The following MARCHF1 variants were observed in gnomAD, a reference collection of about 807,000 sequenced individuals.
The protein encoded by MARCHF1 is E3 ubiquitin-protein ligase MARCHF1.
In MARCHF1, 40 loss-of-function variants were observed where a neutral mutation model predicts 54.2. That is an observed-to-expected ratio of 0.74 (90% CI 0.57 to 0.96). The LOEUF (loss-of-function observed/expected upper bound fraction) is 0.96. MARCHF1 is among the 40% of genes least tolerant of loss of function. The pLI is 0.00. For synonymous variants in MARCHF1, 236 were observed against 236.3 expected, an observed-to-expected ratio of 1.00 and a Z score of 0.01; for missense variants, 586 against 656.5, an observed-to-expected ratio of 0.89 and a Z score of 1.17.
intron 3 of MARCHF1, among the ~76,000 whole-genome samples, chr4:163,899,022 C>G (rs1318410637): frequency 3.3e-5 from 5 of 152,070 alleles, no homozygotes; most frequent in Non-Finnish European, 7.4e-5. Flanking sequence ...ATAATAGACA[C>G]TAGGAACTCC....
intron 1 of MARCHF1, among the ~76,000 whole-genome samples, chr4:164,369,394 G>A (rs1034445552): frequency 6.6e-6 from 1 of 152,156 alleles, no homozygotes; most frequent in Non-Finnish European, 1.5e-5. Context: ...GAGCATCAAA[G>A]TGAACACATG....
chr4:164,188,794 A>T, intron 1 of MARCHF1: 1 of 869,010 alleles, frequency 1.2e-6, no homozygotes, highest in Non-Finnish European at 2.0e-6. Flanking sequence ...AAACAAAGAC[A>T]TTTGCTCCTG....
At chr4:163,673,626 A>G (rs1743808064) in intron 5 of MARCHF1, among the ~76,000 whole-genome samples, 1 of 152,174 alleles carries the variant, frequency 6.6e-6, no homozygotes, top group Non-Finnish European at 1.5e-5. Context: ...ACATCTAAAT[A>G]AAGAAGAAAT....
At chr4:163,805,762 C>T (rs1219615255) in intron 4 of MARCHF1, among the ~76,000 whole-genome samples, 9 of 152,066 alleles carry the variant, frequency 5.9e-5, no homozygotes, top group South Asian at 2.1e-4. Flanking sequence ...TGCTCTGACA[C>T]GATAAAATAA....
At chr4:164,281,569 T>C (rs978852228) in intron 1 of MARCHF1, among the ~76,000 whole-genome samples, 1 of 152,088 alleles carries the variant, frequency 6.6e-6, no homozygotes, top group Admixed American at 6.5e-5. Flanking sequence ...GAGAAAAACA[T>C]GTGTACAGAC....
chr4:163,773,635 T>C (rs1747221000), intron 4 of MARCHF1, among the ~76,000 whole-genome samples: 1 of 152,142 alleles, frequency 6.6e-6, no homozygotes, highest in Admixed American at 6.5e-5. Context: ...AGATAAGAGA[T>C]TGTGAAGTGT....
chr4:163,878,238 A>T (rs1298455934), intron 3 of MARCHF1, among the ~76,000 whole-genome samples: 1 of 152,200 alleles, frequency 6.6e-6, no homozygotes, highest in Non-Finnish European at 1.5e-5. Context: ...CGCAGCCAAA[A>T]AGGGTAGGTA....
intron 5 of MARCHF1, among the ~76,000 whole-genome samples, chr4:163,700,321 A>G (rs2111228587): frequency 6.6e-6 from 1 of 152,206 alleles, no homozygotes; most frequent in Non-Finnish European, 1.5e-5. Flanking sequence ...CCTGGTCAAC[A>G]TGGCGAAACC....
chr4:163,982,650 A>T (rs919190950), intron 3 of MARCHF1, among the ~76,000 whole-genome samples: 1 of 152,232 alleles, frequency 6.6e-6, no homozygotes, highest in Non-Finnish European at 1.5e-5. Context: ...GTTTTAAAGA[A>T]GGACTGATCC....
At chr4:164,220,727 G>A (rs1441358514) in intron 1 of MARCHF1, among the ~76,000 whole-genome samples, 1 of 144,536 alleles carries the variant, frequency 6.9e-6, no homozygotes, top group Non-Finnish European at 1.5e-5. Context: ...TATGATATAT[G>A]TATATATGTA....
chr4:164,004,355 C>T (rs1028651604), intron 2 of MARCHF1, among the ~76,000 whole-genome samples: 2 of 151,734 alleles, frequency 1.3e-5, no homozygotes, highest in African/African-American at 2.4e-5. Context: ...AAATTGTATG[C>T]ATATCATAAT....
At chr4:164,351,168 G>C (rs572586428) in intron 1 of MARCHF1, among the ~76,000 whole-genome samples, 7 of 151,842 alleles carry the variant, frequency 4.6e-5, no homozygotes, top group Non-Finnish European at 8.8e-5. Flanking sequence ...ACTGCAAGGC[G>C]GCAGCGAGGC....
intron 8 of MARCHF1, among the ~76,000 whole-genome samples, chr4:163,573,401 C>T (rs184759433): frequency 1.4e-3 from 217 of 150,888 alleles, no homozygotes; most frequent in African/African-American, 4.4e-3. Context: ...CATGCTGGTG[C>T]GCTGCACCCA....
chr4:163,729,778 T>C (rs898687696), intron 4 of MARCHF1, among the ~76,000 whole-genome samples: 5 of 152,140 alleles, frequency 3.3e-5, no homozygotes, highest in Non-Finnish European at 7.4e-5. Context: ...AAATTTCTGA[T>C]GAGAAATCTG....
chr4:164,045,427 G>C (rs371256684), intron 2 of MARCHF1, among the ~76,000 whole-genome samples: 97 of 151,884 alleles, frequency 6.4e-4, no homozygotes, highest in African/African-American at 2.3e-3. Flanking sequence ...CAGGAGAATC[G>C]CTTGAACCTG....
At chr4:163,995,120 C>T (rs1753049230) in intron 2 of MARCHF1, among the ~76,000 whole-genome samples, 1 of 152,030 alleles carries the variant, frequency 6.6e-6, no homozygotes, top group South Asian at 2.1e-4. Context: ...CCTTCAGACA[C>T]CAGTCACAAG....
At chr4:163,812,934 A>C (rs1030134477) in intron 4 of MARCHF1, among the ~76,000 whole-genome samples, 2 of 152,266 alleles carry the variant, frequency 1.3e-5, no homozygotes, top group Middle Eastern at 3.4e-3. Context: ...GAAACACAGA[A>C]CTCTTCACAC....
At chr4:164,091,284 T>A (rs989705082) in intron 2 of MARCHF1, among the ~76,000 whole-genome samples, 9 of 151,856 alleles carry the variant, frequency 5.9e-5, no homozygotes, top group African/African-American at 1.9e-4. Context: ...CCATAACACA[T>A]GCACATCATT....
At chr4:163,643,000 T>TAC (rs1284479629) in intron 5 of MARCHF1, among the ~76,000 whole-genome samples, 1 of 151,178 alleles carries the variant, frequency 6.6e-6, no homozygotes, top group African/African-American at 2.4e-5. Flanking sequence ...CACATATATA[T>TAC]ACACATATAT....
Sources: gnomAD v4.1 joint callset for allele counts (sites outside exome capture counted in the v4.1 genomes callset) on GRCh38, gnomAD v4.1.1 for gene constraint, MANE v1.5 for transcripts, NCBI Gene and HGNC (gene_info 2026-07-23, HGNC 2026-07-21) for gene names.